MMD: variants seen among roughly 807,000 people sequenced by gnomAD.
MMD encodes monocyte to macrophage differentiation associated, also known as monocyte to macrophage differentiation factor.
MMD carries 22 observed loss-of-function variants against 33.6 expected under a neutral mutation model. That is an observed-to-expected ratio of 0.66 (90% CI 0.47 to 0.94). The LOEUF is 0.94. Ranked by LOEUF, MMD falls within the 40% of genes least tolerant of loss-of-function variation. MMD has a pLI of 0.00. For synonymous variants in MMD, 97 were observed against 103.2 expected (o/e 0.94, Z 0.36); for missense variants, 242 against 309.8 (o/e 0.78, Z 1.64).
At chr17:55,400,949 GAACA>G (rs897160836) in intron 6 of MMD, among the ~76,000 whole-genome samples, 8 of 151,570 alleles carry the variant, frequency 5.3e-5, no homozygotes, top group African/African-American at 1.2e-4. Flanking sequence ...TTAGAAAACA[GAACA>G]AACAAACAAA....
intron 4 of MMD, among the ~76,000 whole-genome samples, chr17:55,405,536 C>T (rs1266872725): frequency 6.6e-6 from 1 of 152,114 alleles, no homozygotes; most frequent in Non-Finnish European, 1.5e-5. Context: ...CTCCTCAGCT[C>T]ACATTTAAAT....
Position 55,401,489 on chromosome 17 carries a change from C to G in MMD, c.496G>C (p.Ala166Pro). The G allele has an allele frequency of 5.0e-6, 8 of 1,611,564 alleles. No individual in the cohort carries two copies. The highest frequency in any genetic ancestry group is 6.8e-6 in the Non-Finnish European group (8 of 1,179,088). Residue 166 changes from alanine (A) to proline (P), a missense_variant, in exon 6 of 7, where the codon GCC becomes CCC. Coordinates refer to ENST00000262065, the MANE Select transcript of MMD (RefSeq NM_012329.3). ...FFYLTMGFSP[A>P]LVVTSMNNTD... ...CTTACCATTGATGTCACCACCAAGG[C>G]TGGAGAGAATCCCATTGTGAGATAG... is the stretch of plus-strand genomic sequence containing the variant.
At chr17:55,400,082 A>G (rs1360122097) in intron 6 of MMD, among the ~76,000 whole-genome samples, 1 of 152,028 alleles carries the variant, frequency 6.6e-6, no homozygotes, top group East Asian at 1.9e-4. Context: ...TTTACCATCT[A>G]TATGTATTTT....
chr17:55,407,740 T>C lies in MMD; in HGVS notation c.344+6A>G. On this transcript the variant is annotated splice_donor_region_variant and intron_variant, in intron 4 of 6. Coordinates refer to ENST00000262065, the MANE Select transcript of MMD (RefSeq NM_012329.3). ...TACCTTCGAAAATAGGAAGACTGTA[T>C]CTTACCATGGAGCATAAGAAGCAGC... 1 of 1,592,754 alleles carries C rather than the reference T, an allele frequency of 6.3e-7. No homozygotes were observed. The highest frequency in any genetic ancestry group is 1.1e-5 in the South Asian group (1 of 87,548).
intron 1 of MMD, among the ~76,000 whole-genome samples, chr17:55,417,638 A>C (rs542472003): frequency 1.3e-5 from 2 of 152,260 alleles, no homozygotes; most frequent in South Asian, 4.1e-4. Flanking sequence ...ACACAAAAAA[A>C]AATGTAAAAA....
chr17:55,398,877 C>T (rs1043638772), intron 6 of MMD, among the ~76,000 whole-genome samples: 52 of 152,118 alleles, frequency 3.4e-4, no homozygotes, highest in Non-Finnish European at 1.5e-5. Flanking sequence ...GGGAACTGTC[C>T]GGAATTTCCA....
At chr17:55,415,176 A>G (rs905839440) in intron 1 of MMD, among the ~76,000 whole-genome samples, 9 of 151,944 alleles carry the variant, frequency 5.9e-5, no homozygotes, top group African/African-American at 2.2e-4. Flanking sequence ...TTCATGAGGG[A>G]CTCTGGATTA....
intron 2 of MMD, among the ~76,000 whole-genome samples, chr17:55,413,323 G>GAAAACA (rs1907836117): frequency 1.3e-5 from 2 of 151,866 alleles, no homozygotes; most frequent in Admixed American, 1.3e-4. Context: ...TTCCCTCAAT[G>GAAAACA]TCACTAAATG....
At chr17:55,403,541 TC>T (rs959758213) in intron 5 of MMD, among the ~76,000 whole-genome samples, 4 of 152,232 alleles carry the variant, frequency 2.6e-5, no homozygotes, top group African/African-American at 7.2e-5. Context: ...GGTTACCATG[TC>T]CCCTCAACTA....
chr17:55,421,547 GCCAAGGTGCGGGAT>G, intron 1 of MMD, 109 bp downstream of exon 1: 1 of 1,373,952 alleles, frequency 7.3e-7, no homozygotes, highest in East Asian at 2.6e-5. Context: ...CTGATCCCTG[GCCAAGGTGCGGGAT>G]CCACCCAGGA....
At position 55,392,884 on chromosome 17, in the gene MMD, CATCAAA is replaced by C. The variant is rs1906968302; in HGVS notation, c.*1444_*1449del. The C allele has an allele frequency of 6.6e-6, 1 of 152,126 alleles. No homozygotes were observed. 9.4% of individuals were successfully genotyped at this position (152,126 alleles called of 1,614,324 possible). A position where few individuals can be genotyped will look rare whatever the true frequency, so the allele number is the denominator to read the frequency against. Reference sequence around the variant, plus strand: ...TTCTGTTTCTCATTCCCATATAATTCATCAAAATCAGAGAGTTCTAAACATATACAA... The same window carrying C: ...TTCTGTTTCTCATTCCCATATAATTCATCAGAGAGTTCTAAACATATACAA... On this transcript the variant is annotated 3_prime_UTR_variant, in exon 7 of 7. Coordinates refer to ENST00000262065, the MANE Select transcript of MMD (RefSeq NM_012329.3).
At chr17:55,408,331 C>T (rs530467506) in intron 3 of MMD, among the ~76,000 whole-genome samples, 3 of 152,160 alleles carry the variant, frequency 2.0e-5, no homozygotes, top group African/African-American at 7.2e-5. Flanking sequence ...CTGGTGTGGA[C>T]AGTAAATAGT....
At chr17:55,416,889 TAATA>T (rs2143160698) in intron 1 of MMD, among the ~76,000 whole-genome samples, 1 of 152,282 alleles carries the variant, frequency 6.6e-6, no homozygotes, top group African/African-American at 2.4e-5. Context: ...GAGCTGCACT[TAATA>T]AAGCTACTAG....
At chr17:55,394,898 C>T (rs77244958) in intron 6 of MMD, among the ~76,000 whole-genome samples, 1,582 of 152,342 alleles carry the variant, frequency 0.01, 17 homozygotes, top group Middle Eastern at 0.058. Context: ...ATGCTTCCTT[C>T]CCTACTAAGG....
At chr17:55,398,805 C>T (rs1907219381) in intron 6 of MMD, among the ~76,000 whole-genome samples, 1 of 152,154 alleles carries the variant, frequency 6.6e-6, no homozygotes, top group Non-Finnish European at 1.5e-5. Flanking sequence ...AGCTGAGTGC[C>T]TGGGATGTCC....
At chr17:55,414,038 G>A (rs1205545243) in intron 2 of MMD, 113 bp downstream of exon 2, 1 of 980,438 alleles carries the variant, frequency 1.0e-6, no homozygotes, top group Admixed American at 1.9e-5. Context: ...TGGTAGATAA[G>A]GTCACAGATG....
rs374272196 is a variant in MMD at position 55,414,206 on chromosome 17, T to C, written c.53A>G (p.Asn18Ser). The stretch of plus-strand genomic sequence containing the variant: ...ATAGCAAGTTGGCTTGTAGCGGCCA[T>C]TGGCTGGAGCTCGATGGTTCATGAA... ...QRFMNHRAPA[N>S]GRYKPTCYEH... Residue 18 changes from asparagine to serine, a missense_variant, in exon 2 of 7, where the codon AAT becomes AGT. Asn to Ser is a conservative substitution (Grantham distance 46). Transcript: ENST00000262065. 1 of 1,613,920 alleles carries C rather than the reference T, an allele frequency of 6.2e-7. No homozygotes were observed. The highest frequency in any genetic ancestry group is 1.1e-5 in the South Asian group (1 of 91,080).
intron 4 of MMD, 80 bp from the exon 5 acceptor site, chr17:55,403,948 G>T: frequency 1.8e-6 from 2 of 1,122,128 alleles, no homozygotes; most frequent in Non-Finnish European, 2.6e-6. Context: ...TGAAAACTGA[G>T]AAAGTCTTAG....
At chr17:55,408,273 T>G (rs1423560628) in intron 3 of MMD, among the ~76,000 whole-genome samples, 1 of 152,224 alleles carries the variant, frequency 6.6e-6, no homozygotes, top group Non-Finnish European at 1.5e-5. Flanking sequence ...TGAAATCACA[T>G]TCTTTGTGTC....
Sources: gnomAD v4.1 joint callset for allele counts (sites outside exome capture counted in the v4.1 genomes callset) on GRCh38, gnomAD v4.1.1 for gene constraint, MANE v1.5 for transcripts, NCBI Gene and HGNC (gene_info 2026-07-23, HGNC 2026-07-21) for gene names.